Variants in APBB2 observed in about 807,000 individuals in gnomAD.
The protein encoded by APBB2 is Fe65-like 1.
Under a neutral mutation model 82.5 loss-of-function variants are expected in APBB2, and 38 were observed. That is an observed-to-expected ratio of 0.46 (90% CI 0.36 to 0.60). APBB2 has a LOEUF of 0.60. Among genes scored for constraint, APBB2 ranks in the 20% least tolerant of loss-of-function variants. The pLI, the probability that APBB2 is intolerant of heterozygous loss-of-function variation, is 0.00. For synonymous variants in APBB2, 341 were observed against 368.2 expected (o/e 0.93, Z 0.85); for missense variants, 772 against 972.3 (o/e 0.79, Z 2.74).
At chr4:40,967,303 A>G (rs1236579312) in intron 6 of APBB2, among the ~76,000 whole-genome samples, 1 of 152,200 alleles carries the variant, frequency 6.6e-6, no homozygotes, top group Admixed American at 6.5e-5. Flanking sequence ...GGACCTGCAG[A>G]ATGGCAGGGC....
chr4:40,926,701 G>C (rs147008447), intron 10 of APBB2, among the ~76,000 whole-genome samples: 17 of 152,144 alleles, frequency 1.1e-4, no homozygotes, highest in Non-Finnish European at 1.5e-5. Context: ...GATCCGCCAC[G>C]CCTGGCCCCA....
At chr4:41,029,133 T>G (rs1262411125) in intron 5 of APBB2, among the ~76,000 whole-genome samples, 1 of 152,242 alleles carries the variant, frequency 6.6e-6, no homozygotes, top group Non-Finnish European at 1.5e-5. Context: ...GCTTCATTTT[T>G]ATTTTTCTGC....
intron 3 of APBB2, among the ~76,000 whole-genome samples, chr4:41,098,419 G>GCAAT (rs1744286729): frequency 1.3e-5 from 2 of 152,122 alleles, no homozygotes; most frequent in Admixed American, 6.5e-5. Flanking sequence ...TTGGGCTCAA[G>GCAAT]CAATCATCCC....
intron 5 of APBB2, among the ~76,000 whole-genome samples, chr4:41,019,602 G>T (rs911240202): frequency 6.6e-6 from 1 of 152,176 alleles, no homozygotes; most frequent in Admixed American, 6.5e-5. Context: ...AAGTCGTCGG[G>T]CGTGTTGAGA....
At chr4:41,010,938 A>C (rs1281335789) in intron 6 of APBB2, among the ~76,000 whole-genome samples, 1 of 152,110 alleles carries the variant, frequency 6.6e-6, no homozygotes, top group Non-Finnish European at 1.5e-5. Flanking sequence ...GCTTATGGGC[A>C]ATTTTGTTTC....
At chr4:41,172,741 T>C (rs888957415) in intron 1 of APBB2, among the ~76,000 whole-genome samples, 2 of 152,232 alleles carry the variant, frequency 1.3e-5, no homozygotes, top group African/African-American at 4.8e-5. Context: ...TATGTAAAAA[T>C]GGCTTCCCTC....
intron 6 of APBB2, among the ~76,000 whole-genome samples, chr4:41,012,298 G>A (rs910331002): frequency 6.6e-6 from 1 of 152,230 alleles, no homozygotes; most frequent in Non-Finnish European, 1.5e-5. Flanking sequence ...TGAAAGATGT[G>A]CAAGGAGTCT....
In APBB2 at chr4:40,816,345, A is replaced by G. The variant is rs998242179; in HGVS notation, c.2113-86T>C. 1.2e-4 allele frequency: 176 copies of G among 1,419,860 alleles called. 2 individuals are homozygous for G. Among genetic ancestry groups the G allele is most frequent in the Non-Finnish European group, 1.2e-4 (127 of 1,022,254 alleles). 88.0% of individuals were successfully genotyped at this position (1,419,860 alleles called of 1,614,324 possible). The stretch of plus-strand genomic sequence containing the variant: ...GACTTTAAGTCATGACCCATAATAC[A>G]TTGACTCCCAAAGGTTAACGACCTA... On this transcript the variant is annotated intron_variant, in intron 17 of 17. Coordinates refer to ENST00000508593, the MANE Select transcript of APBB2 (RefSeq NM_004307.2).
chr4:41,150,855 C>T (rs1762091185), intron 1 of APBB2, among the ~76,000 whole-genome samples: 1 of 152,222 alleles, frequency 6.6e-6, no homozygotes, highest in Non-Finnish European at 1.5e-5. Flanking sequence ...ATTCTCCTGC[C>T]TCAGCCTCCC....
At chr4:40,994,811 G>GAAA (rs71198624) in intron 6 of APBB2, among the ~76,000 whole-genome samples, 3 of 112,990 alleles carry the variant, frequency 2.7e-5, no homozygotes, top group Admixed American at 1.0e-4. Flanking sequence ...CAAGACTCCG[G>GAAA]AAAAAAAAAA....
At chr4:40,907,223 AC>A (rs1560859344) in intron 10 of APBB2, among the ~76,000 whole-genome samples, 1 of 151,454 alleles carries the variant, frequency 6.6e-6, no homozygotes, top group East Asian at 1.9e-4. Context: ...TTAAGTCCTA[AC>A]CCCCAATGTG....
chr4:40,953,197 C>CT (rs1409202255), intron 6 of APBB2, among the ~76,000 whole-genome samples: 1 of 150,006 alleles, frequency 6.7e-6, no homozygotes, highest in Non-Finnish European at 1.5e-5. Flanking sequence ...ACTTAGAAGG[C>CT]TGAGGTAGGG....
Position 41,087,736 on chromosome 4 carries a change from A to G in APBB2, c.-149+12903T>C, listed in dbSNP as rs571021626. Among the ~76,000 whole-genome samples the G allele has an allele frequency of 2.0e-5, 3 of 152,244 alleles. No individual in the cohort carries two copies. In the South Asian group the frequency reaches 6.2e-4, roughly 32 times the overall value. ...GAGCCACTGTGGCCAGCCAGAATCC[A>G]GTATTTTAAACAAAGCGGTATCATC... On this transcript the variant is annotated intron_variant, in intron 3 of 17. Coordinates refer to ENST00000508593, the MANE Select transcript of APBB2 (RefSeq NM_004307.2).
chr4:41,086,039 T>C (rs1214484598), intron 3 of APBB2, among the ~76,000 whole-genome samples: 4 of 152,172 alleles, frequency 2.6e-5, no homozygotes, highest in African/African-American at 9.6e-5. Flanking sequence ...AAAAGGATTA[T>C]AGGAGTATAA....
chr4:41,085,314 C>A (rs1739262206), intron 3 of APBB2, among the ~76,000 whole-genome samples: 1 of 150,914 alleles, frequency 6.6e-6, no homozygotes, highest in Non-Finnish European at 1.5e-5. Context: ...AGGTCACTCA[C>A]TGAATTACAA....
chr4:40,973,419 C>T (rs1411670852), intron 6 of APBB2, among the ~76,000 whole-genome samples: 1 of 152,214 alleles, frequency 6.6e-6, no homozygotes, highest in African/African-American at 2.4e-5. Flanking sequence ...AAACCTGCCG[C>T]TGCCAACCCT....
At chr4:41,159,961 G>GAGA (rs1161043741) in intron 1 of APBB2, among the ~76,000 whole-genome samples, 2,734 of 31,812 alleles carry the variant, frequency 0.086, 445 homozygotes, top group East Asian at 0.13. Flanking sequence ...GAAGGAGAAG[G>GAGA]AGAAGAAGAA....
At chr4:40,864,731 TCCCACCA>T (rs1014368706) in intron 12 of APBB2, among the ~76,000 whole-genome samples, 42 of 152,214 alleles carry the variant, frequency 2.8e-4, no homozygotes, top group Middle Eastern at 3.4e-3. Flanking sequence ...TGACTTATCT[TCCCACCA>T]CCCACCACCC....
At chr4:40,906,464 CAAAAAA>C (rs5857755) in intron 10 of APBB2, among the ~76,000 whole-genome samples, 2 of 67,988 alleles carry the variant, frequency 2.9e-5, no homozygotes, top group Non-Finnish European at 5.1e-5. Context: ...AAACCTGTCT[CAAAAAA>C]AAAAAAAAAA....
Sources: gnomAD v4.1 joint callset for allele counts (sites outside exome capture counted in the v4.1 genomes callset) on GRCh38, gnomAD v4.1.1 for gene constraint, MANE v1.5 for transcripts, NCBI Gene and HGNC (gene_info 2026-07-23, HGNC 2026-07-21) for gene names.